The following CREB3L4 variants were observed in gnomAD, a reference collection of about 807,000 sequenced individuals.
CREB3L4 encodes the protein cyclic AMP-responsive element-binding protein 3-like protein 4.
In CREB3L4, 28 loss-of-function variants were observed where a neutral mutation model predicts 37.0. The observed-to-expected ratio is 0.76, with a 90% CI of 0.56 to 1.04. The LOEUF (loss-of-function observed/expected upper bound fraction) is 1.04, where lower values mean the gene tolerates loss of function less well. Among genes scored for constraint, CREB3L4 ranks in the 50% least tolerant of loss-of-function variants. CREB3L4 has a pLI of 0.00. For synonymous variants in CREB3L4, 175 were observed against 192.2 expected (o/e 0.91, Z 0.74); for missense variants, 462 against 486.0 (o/e 0.95, Z 0.46).
chr1:153,967,806 G>A (rs1273532457), upstream of CREB3L4: 2 of 152,154 alleles, frequency 1.3e-5, no homozygotes, highest in African/African-American at 2.4e-5. Flanking sequence ...CGAAACCTAA[G>A]TCTTCAGCTT....
Position 153,974,162 on chromosome 1 carries a change from C to T in CREB3L4, c.*97C>T. 5 of 1,186,840 alleles carry T rather than the reference C, an allele frequency of 4.2e-6. No homozygotes were observed. Among genetic ancestry groups the T allele is most frequent in the Non-Finnish European group, 5.9e-6 (5 of 841,784 alleles). 73.5% of individuals were successfully genotyped at this position (1,186,840 alleles called of 1,614,324 possible). A position where few individuals can be genotyped will look rare whatever the true frequency, so the allele number is the denominator to read the frequency against. ...ACTGGGATTCCTACTTAGGTGTCTGCCCTCAGGGGTCCAAATCACTTCAGG... is the reference window on the plus strand; with the variant it reads ...ACTGGGATTCCTACTTAGGTGTCTGTCCTCAGGGGTCCAAATCACTTCAGG... On this transcript the variant is annotated 3_prime_UTR_variant, in exon 10 of 10. Transcript: ENST00000368607.
At chr1:153,970,308 G>C (rs1442179445) in intron 4 of CREB3L4, among the ~76,000 whole-genome samples, 1 of 152,156 alleles carries the variant, frequency 6.6e-6, no homozygotes, top group Non-Finnish European at 1.5e-5. Context: ...CAGTTAAGGT[G>C]GGGTGAGGGA....
chr1:153,973,465 G>A lies in CREB3L4; in HGVS notation c.897+1G>A. On this transcript the variant is annotated splice_donor_variant, in intron 8 of 9. Transcript: ENST00000368607. LOFTEE classifies it high-confidence loss of function. ...TGCCCAGACCAGCACTTGTGTTTTG[G>A]TACCATTAGTCTATCTACTCCCATC... 2 of 1,613,426 alleles carry A rather than the reference G, an allele frequency of 1.2e-6. No homozygotes were observed. The highest frequency in any genetic ancestry group is 1.7e-6 in the Non-Finnish European group (2 of 1,179,492).
rs1291432727 is a variant in CREB3L4 at position 153,970,937 on chromosome 1, G to T, written c.543+1482G>T. Among the ~76,000 whole-genome samples, 7 of 148,684 alleles carry T rather than the reference G, an allele frequency of 4.7e-5. No homozygotes were observed. In the East Asian group the frequency reaches 1.4e-3, roughly 30 times the overall value. ...TTTTTGTATTTTTAGTAGAGATGGG[G>T]TTTCACCATGTTGGCCAGGATGGTC... On this transcript the variant is annotated intron_variant, in intron 4 of 9. Transcript: ENST00000368607.
rs1474263653 is a variant in CREB3L4 at position 153,969,133 on chromosome 1, G to T, written c.378G>T (p.Gln126His). 1 of 1,614,164 alleles carries T rather than the reference G, an allele frequency of 6.2e-7. No individual in the cohort carries two copies. Among genetic ancestry groups the T allele is most frequent in the South Asian group, 1.1e-5 (1 of 91,074 alleles). The stretch of plus-strand genomic sequence containing the variant: ...AGGCAGGGGCCCTGGAGAGGATGCA[G>T]GGGGAAACTGGGCCAAATGTAGGCC... The part of the protein sequence containing the change: ...VYEAGALERM[Q>H]GETGPNVGLI... The change falls in exon 3 of 10, where the codon CAG becomes CAT. Residue 126 changes from glutamine (Q) to histidine (H), a missense_variant. Transcript: ENST00000368607.
At chr1:153,973,519 G>C (rs141036019) in intron 8 of CREB3L4, 55 bp downstream of exon 8, 4 of 1,579,926 alleles carry the variant, frequency 2.5e-6, no homozygotes, top group Non-Finnish European at 3.5e-6. Flanking sequence ...CTTATACCCC[G>C]ACTACCCGGC....
chr1:153,973,777 A>G, intron 9 of CREB3L4, 61 bp downstream of exon 9: 1 of 1,556,500 alleles, frequency 6.4e-7, no homozygotes, highest in Non-Finnish European at 8.8e-7. Flanking sequence ...TCTGTTCTCC[A>G]AGGTCGTCAA....
In CREB3L4 at chr1:153,973,871, G is replaced by C. The variant is rs1368939439; in HGVS notation, c.995-1G>C. On this transcript the variant is annotated splice_acceptor_variant, in intron 9 of 9. Coordinates refer to ENST00000368607, the MANE Select transcript of CREB3L4 (RefSeq NM_001255978.2). LOFTEE classifies it high-confidence loss of function. ...ACTGCCCTCTTGCCTTCACCTCACA[G>C]TGACTTCCAGAAATATCCTGACCCA... 6.2e-7 allele frequency: 1 copy of C among 1,613,874 alleles called. No homozygotes were observed. The highest frequency in any genetic ancestry group is 1.1e-5 in the South Asian group (1 of 91,070).
Position 153,974,096 on chromosome 1 carries a change from G to C in CREB3L4, c.*31G>C, listed in dbSNP as rs1648686172. The C allele has an allele frequency of 1.3e-6, 2 of 1,596,680 alleles. No homozygotes were observed. The highest frequency in any genetic ancestry group is 1.7e-5 in the Admixed American group (1 of 59,162). ...AACAGACCTTCCTGGCCCACTTCCT[G>C]ATCACAAGGAATCCTGGGCTTCCTT... On this transcript the variant is annotated 3_prime_UTR_variant, in exon 10 of 10. Transcript: ENST00000368607.
In CREB3L4 at chr1:153,968,610, G is replaced by A; in HGVS notation, c.85G>A (p.Gly29Arg). ...CTCGACAGGATCCGTCCTGGAGCTG[G>A]GACTCCACTGCCCCCCTCCAGAGGT... ...IFSTGSVLELGLHCPPPEVPV... is the reference protein window; with the variant it reads ...IFSTGSVLELRLHCPPPEVPV... Residue 29 changes from glycine to arginine, a missense_variant, in exon 2 of 10, where the codon GGA becomes AGA. Physicochemically the swap from Gly to Arg is moderately radical, Grantham distance 125 (BLOSUM62 -2). Coordinates refer to ENST00000368607, the MANE Select transcript of CREB3L4 (RefSeq NM_001255978.2). The A allele has an allele frequency of 6.2e-7, 1 of 1,614,034 alleles. No homozygotes were observed. The highest frequency in any genetic ancestry group is 1.1e-5 in the South Asian group (1 of 91,080).
Position 153,968,914 on chromosome 1 carries a change from C to G in CREB3L4, c.175-16C>G, listed in dbSNP as rs200562464. On this transcript the variant is annotated splice_polypyrimidine_tract_variant and intron_variant, in intron 2 of 9. Coordinates refer to ENST00000368607, the MANE Select transcript of CREB3L4 (RefSeq NM_001255978.2). ...AATTCTTCCCTGCACATATATATAA[C>G]CTTTTCCTACTGTAGGGCCTTCAAG... 1 of 1,591,736 alleles carries G rather than the reference C, an allele frequency of 6.3e-7. No individual in the cohort carries two copies. The highest frequency in any genetic ancestry group is 8.6e-7 in the Non-Finnish European group (1 of 1,169,076).
chr1:153,972,895 GC>G, intron 5 of CREB3L4, 59 bp downstream of exon 5: 1 of 1,598,722 alleles, frequency 6.3e-7, no homozygotes, highest in South Asian at 1.1e-5. Context: ...CCTCTGAGGG[GC>G]CAATATCCCA....
In CREB3L4 at chr1:153,973,274, G is replaced by C; in HGVS notation, c.812+11G>C. 1 of 1,613,972 alleles carries C rather than the reference G, an allele frequency of 6.2e-7. No homozygotes were observed. The highest frequency in any genetic ancestry group is 8.5e-7 in the Non-Finnish European group (1 of 1,179,882). ...GGAGAGGCACAACATGTGAGTGAAAGCATTGTGTGTGTATGTGTGTTTTGA... is the reference window on the plus strand; with the variant it reads ...GGAGAGGCACAACATGTGAGTGAAACCATTGTGTGTGTATGTGTGTTTTGA... On this transcript the variant is annotated intron_variant, in intron 7 of 9. Coordinates refer to ENST00000368607, the MANE Select transcript of CREB3L4 (RefSeq NM_001255978.2).
chr1:153,972,570 G>A (rs922907100), intron 4 of CREB3L4, among the ~76,000 whole-genome samples, 174 bp from the exon 5 acceptor site: 1 of 152,088 alleles, frequency 6.6e-6, no homozygotes, highest in Admixed American at 6.5e-5. Flanking sequence ...CCTTTGGCTT[G>A]ATCTAGAGCC....
intron 6 of CREB3L4, 36 bp downstream of exon 6, chr1:153,973,114 T>C: frequency 3.7e-6 from 6 of 1,609,042 alleles, no homozygotes; most frequent in Non-Finnish European, 4.3e-6. Flanking sequence ...TTGTGGGCCA[T>C]GTCTGGGCCC....
Position 153,973,011 on chromosome 1 carries a change from C to G in CREB3L4, c.676C>G (p.Arg226Gly), listed in dbSNP as rs760061506. 4 of 1,614,028 alleles carry G rather than the reference C, an allele frequency of 2.5e-6. No individual in the cohort carries two copies. Among genetic ancestry groups the G allele is most frequent in the Non-Finnish European group, 3.4e-6 (4 of 1,180,052 alleles). The change falls in exon 6 of 10, where the codon CGT becomes GGT. Residue 226 changes from arginine (R) to glycine (G), a missense_variant. Coordinates refer to ENST00000368607, the MANE Select transcript of CREB3L4 (RefSeq NM_001255978.2). ...RVLKKVRRKI[R>G]NKQSAQDSRR... ...CCTCAAGAAGGTCAGGAGGAAAATC[C>G]GTAACAAGCAGTCAGCTCAGGACAG...
At position 153,968,870 on chromosome 1, in the gene CREB3L4, A is replaced by AGGCTGAT. The variant is rs369936791; in HGVS notation, c.175-59_175-58insGCTGATG. 2.1e-4 allele frequency: 321 copies of AGGCTGAT among 1,547,948 alleles called. No homozygotes were observed. In the African/African-American group the frequency reaches 3.6e-3, roughly 17 times the overall value. Reference sequence around the variant, plus strand: ...GTGAAAGGACTGAAAATGAAGCATAAGTCAGGGAGGACTTCCAAAATTCTT... The same window carrying AGGCTGAT: ...GTGAAAGGACTGAAAATGAAGCATAAGGCTGATGTCAGGGAGGACTTCCAAAATTCTT... On this transcript the variant is annotated intron_variant, in intron 2 of 9. Coordinates refer to ENST00000368607, the MANE Select transcript of CREB3L4 (RefSeq NM_001255978.2).
At chr1:153,968,483 C>A (rs1304686036) in intron 1 of CREB3L4, 39 bp from the exon 2 acceptor site, 6 of 1,589,890 alleles carry the variant, frequency 3.8e-6, no homozygotes, top group Non-Finnish European at 5.2e-6. Context: ...AGCCATCATT[C>A]CGTTTCTGCA....
intron 4 of CREB3L4, among the ~76,000 whole-genome samples, chr1:153,970,808 C>T (rs1204917365): frequency 7.5e-6 from 1 of 133,958 alleles, no homozygotes; most frequent in Non-Finnish European, 1.5e-5. Context: ...GCAGTGGCAT[C>T]ATCTCAGCTC....
Sources: allele counts gnomAD v4.1 joint callset (sites outside exome capture counted in the v4.1 genomes callset), GRCh38; gene constraint gnomAD v4.1.1; transcripts MANE v1.5; gene names NCBI Gene and HGNC (gene_info 2026-07-23, HGNC 2026-07-21).